The following PSTPIP2 variants were observed in gnomAD, a reference collection of about 807,000 sequenced individuals.
The protein encoded by PSTPIP2 is proline-serine-threonine phosphatase interacting protein 2, also known as proline-serine-threonine phosphatase-interacting protein 2.
In PSTPIP2, 33 loss-of-function variants were observed where a neutral mutation model predicts 63.3. The ratio of observed to expected loss-of-function variants is 0.52; its 90% CI spans 0.40 to 0.70. PSTPIP2 has a LOEUF of 0.70. Among genes scored for constraint, PSTPIP2 ranks in the 30% least tolerant of loss-of-function variants. PSTPIP2 has a pLI of 0.00. For synonymous variants in PSTPIP2, 125 were observed against 132.7 expected (o/e 0.94, Z 0.40); for missense variants, 312 against 400.7 (o/e 0.78, Z 1.89).
intron 4 of PSTPIP2, among the ~76,000 whole-genome samples, chr18:46,014,301 T>C (rs1568216967): frequency 4.6e-5 from 2 of 43,720 alleles, no homozygotes; most frequent in East Asian, 1.3e-3. Context: ...GGATTACAGG[T>C]GTGAGCCACC....
chr18:46,007,451 C>T (rs940955924), intron 5 of PSTPIP2, among the ~76,000 whole-genome samples: 12 of 152,232 alleles, frequency 7.9e-5, no homozygotes, highest in African/African-American at 1.4e-4. Flanking sequence ...GAAAGACACA[C>T]GGCAGATCCC....
intron 4 of PSTPIP2, among the ~76,000 whole-genome samples, chr18:46,011,516 T>C (rs1354931380): frequency 6.6e-6 from 1 of 152,128 alleles, no homozygotes; most frequent in African/African-American, 2.4e-5. Context: ...CCACTACTGT[T>C]ACTAACCTAG....
chr18:46,062,797 G>C (rs533221470), intron 1 of PSTPIP2, among the ~76,000 whole-genome samples: 1 of 152,084 alleles, frequency 6.6e-6, no homozygotes, highest in African/African-American at 2.4e-5. Context: ...TTACAGGCAG[G>C]AGCCACCATC....
chr18:46,004,765 T>G (rs2051706806), intron 6 of PSTPIP2, among the ~76,000 whole-genome samples: 1 of 151,922 alleles, frequency 6.6e-6, no homozygotes, highest in Non-Finnish European at 1.5e-5. Context: ...TTGGTGGGAG[T>G]ATAAATTGGT....
Position 46,015,928 on chromosome 18 carries a change from C to T in PSTPIP2, c.222G>A (p.Lys74=). The T allele has an allele frequency of 6.2e-7, 1 of 1,612,390 alleles. No individual in the cohort carries two copies. Residue 74 remains lysine, a synonymous_variant, in exon 4 of 15, where the codon AAG becomes AAA. Transcript: ENST00000409746. ...GCTGCTTGAAGACTTCAAGGGCCCG[C>T]TTCAGGGTGCTAAAAAAAACAAGCA... ...PCGQSEINTL[K]RALEVFKQQV...
At chr18:46,065,429 A>G (rs1347179023) in intron 1 of PSTPIP2, among the ~76,000 whole-genome samples, 1 of 150,332 alleles carries the variant, frequency 6.7e-6, no homozygotes, top group African/African-American at 2.4e-5. Context: ...GTAGCTGAGT[A>G]CAAGTGCCCA....
intron 9 of PSTPIP2, among the ~76,000 whole-genome samples, chr18:45,996,706 G>A (rs550606809): frequency 1.3e-5 from 2 of 152,016 alleles, no homozygotes; most frequent in South Asian, 4.1e-4. Context: ...AAAGGTGGAA[G>A]GATTGCTTGA....
intron 13 of PSTPIP2, among the ~76,000 whole-genome samples, chr18:45,990,407 TGGGTTTTTTG>T (rs1043508973): frequency 3.3e-5 from 5 of 151,044 alleles, no homozygotes; most frequent in African/African-American, 7.4e-5. Context: ...AAGAATTTCG[TGGGTTTTTTG>T]GGGTTTTTTT....
At chr18:46,044,884 T>A (rs2144116258) in intron 1 of PSTPIP2, among the ~76,000 whole-genome samples, 1 of 152,348 alleles carries the variant, frequency 6.6e-6, no homozygotes, top group African/African-American at 2.4e-5. Flanking sequence ...AAGGCATTTA[T>A]GCAGCCAAAA....
intron 1 of PSTPIP2, among the ~76,000 whole-genome samples, chr18:46,045,480 G>C (rs1201791175): frequency 1.3e-5 from 2 of 152,078 alleles, no homozygotes; most frequent in African/African-American, 2.4e-5. Flanking sequence ...ATGGACACAG[G>C]AGGGGGAACA....
intron 9 of PSTPIP2, among the ~76,000 whole-genome samples, chr18:45,997,228 G>A (rs769284958): frequency 9.2e-5 from 14 of 151,820 alleles, no homozygotes; most frequent in Non-Finnish European, 1.6e-4. Context: ...TTGTTCTGTC[G>A]CCCAGGCTGG....
intron 1 of PSTPIP2, among the ~76,000 whole-genome samples, chr18:46,050,967 A>C (rs1375938415): frequency 6.6e-6 from 1 of 151,554 alleles, no homozygotes; most frequent in Non-Finnish European, 1.5e-5. Context: ...GGTTCAAGCC[A>C]TTCTCCTGCC....
chr18:45,997,719 C>T (rs752008393), intron 9 of PSTPIP2, 30 bp downstream of exon 9: 2 of 1,292,118 alleles, frequency 1.5e-6, no homozygotes, highest in Admixed American at 3.7e-5. Context: ...CCACCCACCC[C>T]AGTCCTGAGC....
At chr18:46,070,937 GC>G (rs1909371656) in intron 1 of PSTPIP2, among the ~76,000 whole-genome samples, 1 of 152,096 alleles carries the variant, frequency 6.6e-6, no homozygotes, top group Admixed American at 6.6e-5. Context: ...ATTATACAGA[GC>G]CTTTTTCCCA....
At chr18:46,005,047 A>G (rs1472462276) in intron 6 of PSTPIP2, among the ~76,000 whole-genome samples, 1 of 152,228 alleles carries the variant, frequency 6.6e-6, no homozygotes, top group Non-Finnish European at 1.5e-5. Context: ...GAATGAAATC[A>G]TGTCTTTTGA....
intron 2 of PSTPIP2, among the ~76,000 whole-genome samples, chr18:46,037,293 C>T (rs1201291610): frequency 6.6e-6 from 1 of 152,096 alleles, no homozygotes; most frequent in African/African-American, 2.4e-5. Context: ...GCTGGGATTA[C>T]AGCTACACCA....
chr18:45,989,786 T>C (rs1459498150), intron 13 of PSTPIP2: 1 of 152,176 alleles, frequency 6.6e-6, no homozygotes, highest in Non-Finnish European at 1.5e-5. Flanking sequence ...GGCCCTCCTC[T>C]ATCAGAAATG....
At chr18:46,015,036 G>A (rs560419991) in intron 4 of PSTPIP2, among the ~76,000 whole-genome samples, 3 of 152,122 alleles carry the variant, frequency 2.0e-5, no homozygotes, top group African/African-American at 7.2e-5. Context: ...AGAATCCAAG[G>A]GAGTCAGAGG....
chr18:46,045,671 GTAAA>G (rs140184557), intron 1 of PSTPIP2, among the ~76,000 whole-genome samples: 19,702 of 151,166 alleles, frequency 0.13, 1,617 homozygotes, highest in East Asian at 0.39. Context: ...CAATAATAAA[GTAAA>G]TAAATAAATA....
Sources: gnomAD v4.1 joint callset for allele counts (sites outside exome capture counted in the v4.1 genomes callset) on GRCh38, gnomAD v4.1.1 for gene constraint, MANE v1.5 for transcripts, NCBI Gene and HGNC (gene_info 2026-07-23, HGNC 2026-07-21) for gene names.